Variants in RBM4 observed in about 807,000 individuals in gnomAD.
RBM4 encodes RNA binding motif protein 4, also known as RNA-binding protein 4.
In RBM4, 7 loss-of-function variants were observed where a neutral mutation model predicts 29.5. The ratio of observed to expected loss-of-function variants is 0.24; its 90% CI spans 0.14 to 0.45. The LOEUF (loss-of-function observed/expected upper bound fraction) is 0.45, where lower values mean the gene tolerates loss of function less well. Among genes scored for constraint, RBM4 ranks in the 20% least tolerant of loss-of-function variants. RBM4 has a pLI of 1.00. For missense variants in RBM4, 387 were observed against 502.3 expected, an observed-to-expected ratio of 0.77 and a Z score of 2.19; for synonymous variants, 220 against 205.4, an observed-to-expected ratio of 1.07 and a Z score of -0.61.
intron 2 of RBM4, among the ~76,000 whole-genome samples, chr11:66,642,273 C>T (rs1938500370): frequency 6.6e-6 from 1 of 152,244 alleles, no homozygotes; most frequent in South Asian, 2.1e-4. Context: ...GTTGACTCTC[C>T]CTTGCTTTTG....
rs147783055 is a variant in RBM4, at chr11:66,646,232, A to G, written c.*214A>G. The G allele has an allele frequency of 3.4e-4, 492 of 1,438,152 alleles. 2 individuals carry two copies. Among genetic ancestry groups the G allele is most frequent in the Middle Eastern group, 1.3e-3 (5 of 3,918 alleles). 89.1% of individuals were successfully genotyped at this position (1,438,152 alleles called of 1,614,324 possible). A position where few individuals can be genotyped will look rare whatever the true frequency, so the allele number is the denominator to read the frequency against. On this transcript the variant is annotated 3_prime_UTR_variant, in exon 4 of 4. Coordinates refer to ENST00000310092, the MANE Select transcript of RBM4 (RefSeq NM_002896.4). ...CATTTTCCTGTTCTTCTGTCCTTCA[A>G]TACTTCTGTAGCTTCCCATTCATGT...
chr11:66,658,227 C>T (rs1423129834), intron 2 of RBM4, among the ~76,000 whole-genome samples: 5 of 149,904 alleles, frequency 3.3e-5, no homozygotes, highest in African/African-American at 4.9e-5. Context: ...GGGGTTTCTC[C>T]GTGGTGGTCA....
chr11:66,644,873 A>G (rs1327546354), intron 3 of RBM4: 2 of 191,384 alleles, frequency 1.0e-5, no homozygotes, highest in Admixed American at 6.6e-5. Flanking sequence ...TGCCCACTCC[A>G]TTGCTATATC....
Position 66,640,375 on chromosome 11 carries a change from C to T in RBM4, c.412+252C>T, listed in dbSNP as rs1938390593. Reference sequence around the variant, plus strand: ...CCTACGGCTTTTGTGCTTATCAGTGCAGAAACCCTTTTCTTTGAAGGCTTT... The same window carrying T: ...CCTACGGCTTTTGTGCTTATCAGTGTAGAAACCCTTTTCTTTGAAGGCTTT... On this transcript the variant is annotated intron_variant, in intron 2 of 3. Transcript: ENST00000310092. 7 of 569,514 alleles carry T rather than the reference C, an allele frequency of 1.2e-5. No individual in the cohort carries two copies. The South Asian group carries it at 1.8e-4, about 15-fold the overall frequency. The allele number at this position is 569,514 out of a possible 1,614,324, so 35.3% of individuals were successfully genotyped here. A position where few individuals can be genotyped will look rare whatever the true frequency, so the allele number is the denominator to read the frequency against.
rs748641513 is a variant in RBM4 at position 66,644,113 on chromosome 11, C to T, written c.1076C>T (p.Ala359Val). ...RYEREQYADR[A>V]RYSAF ...GAGCGGGAGCAGTATGCCGATCGGG[C>T]GCGGTACTCAGCCTTTTAAAGCTTG... is the stretch of plus-strand genomic sequence containing the variant. The change falls in exon 3 of 4, where the codon GCG becomes GTG. Residue 359 changes from alanine (A) to valine (V), a missense_variant. Physicochemically the swap from Ala to Val is moderately conservative, Grantham distance 64. This residue lies in a region of RBM4 where 281 missense variants were observed against 288.7 expected (regional missense o/e 0.97). Coordinates refer to ENST00000310092, the MANE Select transcript of RBM4 (RefSeq NM_002896.4). 1.5e-5 allele frequency: 24 copies of T among 1,613,216 alleles called. No individual in the cohort carries two copies. The highest frequency in any genetic ancestry group is 1.8e-5 in the Non-Finnish European group (21 of 1,179,666).
intron 2 of RBM4, among the ~76,000 whole-genome samples, chr11:66,664,213 C>T: frequency 7.2e-6 from 1 of 138,354 alleles, no homozygotes; most frequent in African/African-American, 2.7e-5. Context: ...TACAGTGGTG[C>T]CATCTCGGCT....
chr11:66,650,347 A>G (rs1938797204), downstream of RBM4, among the ~76,000 whole-genome samples: 1 of 152,190 alleles, frequency 6.6e-6, no homozygotes, highest in Non-Finnish European at 1.5e-5. Context: ...AGGCAGGCAG[A>G]TCACCTGAGG....
Position 66,646,399 on chromosome 11 carries a change from T to A in RBM4, c.*381T>A. 2.7e-6 allele frequency: 3 copies of A among 1,126,014 alleles called. No individual in the cohort carries two copies. The highest frequency in any genetic ancestry group is 3.3e-6 in the Non-Finnish European group (3 of 916,302). 69.8% of individuals were successfully genotyped at this position (1,126,014 alleles called of 1,614,324 possible). On this transcript the variant is annotated 3_prime_UTR_variant, in exon 4 of 4. Coordinates refer to ENST00000310092, the MANE Select transcript of RBM4 (RefSeq NM_002896.4). ...TCACTGCTCCAGGGTCTCTTTTTGG[T>A]CCAAAGGCTAGACCTATAGAGTTGG...
intron 3 of RBM4, among the ~76,000 whole-genome samples, chr11:66,645,101 C>T (rs1200564504): frequency 2.0e-5 from 3 of 152,146 alleles, no homozygotes; most frequent in African/African-American, 7.2e-5. Flanking sequence ...TTCATCTTCT[C>T]ACTAGCTGTT....
At chr11:66,651,966 C>T (rs1220433427) in intron 2 of RBM4, among the ~76,000 whole-genome samples, 1 of 152,008 alleles carries the variant, frequency 6.6e-6, no homozygotes, top group African/African-American at 2.4e-5. Context: ...TTTGGGGGGA[C>T]ATAAACACTC....
exon 3 of RBM4, chr11:66,666,542 A>T: frequency 1.7e-6 from 1 of 579,752 alleles, no homozygotes; most frequent in Non-Finnish European, 2.2e-6. Flanking sequence ...AGGTTAGTTG[A>T]ACAACCACTG....
At chr11:66,660,077 T>A (rs1257924600) in intron 2 of RBM4, among the ~76,000 whole-genome samples, 1 of 151,924 alleles carries the variant, frequency 6.6e-6, no homozygotes, top group African/African-American at 2.4e-5. Context: ...CTGACCATAC[T>A]GACTCTCCTT....
At chr11:66,659,263 C>CTTTTTTTTTTTT (rs767959263) in intron 2 of RBM4, among the ~76,000 whole-genome samples, 5 of 67,308 alleles carry the variant, frequency 7.4e-5, no homozygotes, top group South Asian at 6.5e-4. Context: ...CTTCTTGGTT[C>CTTTTTTTTTTTT]TTTTTTTTTT....
intron 2 of RBM4, among the ~76,000 whole-genome samples, chr11:66,655,482 A>G (rs1043766961): frequency 1.3e-5 from 2 of 151,850 alleles, no homozygotes; most frequent in Non-Finnish European, 2.9e-5. Context: ...GGGTTTCGCT[A>G]TGTTGCCTAC....
intron 2 of RBM4, chr11:66,665,335 T>TA: frequency 1.8e-6 from 1 of 551,982 alleles, no homozygotes; most frequent in Non-Finnish European, 3.2e-6. Context: ...GATGCCAGCA[T>TA]AATCCTTACC....
intron 2 of RBM4, 179 bp downstream of exon 2, chr11:66,640,302 T>C: frequency 2.5e-6 from 2 of 800,462 alleles, no homozygotes; most frequent in South Asian, 3.6e-5. Context: ...GGCTTTACCT[T>C]AGGCAAATGT....
chr11:66,655,519 C>G (rs1056182478), intron 2 of RBM4, among the ~76,000 whole-genome samples: 3 of 152,060 alleles, frequency 2.0e-5, no homozygotes, highest in African/African-American at 7.2e-5. Flanking sequence ...TGGGCTCAAG[C>G]GATTCTCACC....
chr11:66,639,448 T>A, intron 1 of RBM4: 1 of 524,566 alleles, frequency 1.9e-6, no homozygotes, highest in East Asian at 3.1e-5. Flanking sequence ...TTGGAAGGTA[T>A]CGGTTCTTAC....
chr11:66,640,308 A>C, intron 2 of RBM4, 185 bp downstream of exon 2: 1 of 780,422 alleles, frequency 1.3e-6, no homozygotes. Context: ...ACCTTAGGCA[A>C]ATGTCTCCTG....
Sources: allele counts gnomAD v4.1 joint callset (sites outside exome capture counted in the v4.1 genomes callset), GRCh38; gene constraint gnomAD v4.1.1; regional missense constraint gnomAD v4.1.1; transcripts MANE v1.5; gene names NCBI Gene and HGNC (gene_info 2026-07-23, HGNC 2026-07-21).